The following DPYD variants were observed in gnomAD, a reference collection of about 807,000 sequenced individuals.
The protein encoded by DPYD is dihydropyrimidine dehydrogenase.
Under a neutral mutation model 116.2 loss-of-function variants are expected in DPYD, and 109 were observed. The observed-to-expected ratio is 0.94, with a 90% CI of 0.80 to 1.10. The LOEUF (loss-of-function observed/expected upper bound fraction) is 1.10, where lower values mean the gene tolerates loss of function less well. DPYD is among the 50% of genes least tolerant of loss of function. The pLI, the probability that DPYD is intolerant of heterozygous loss-of-function variation, is 0.00. For missense variants in DPYD, 1,302 were observed against 1,254.5 expected, an observed-to-expected ratio of 1.04 and a Z score of -0.57; for synonymous variants, 440 against 432.0, an observed-to-expected ratio of 1.02 and a Z score of -0.23.
chr1:97,393,988 C>T (rs1407835411), intron 14 of DPYD, among the ~76,000 whole-genome samples: 3 of 152,146 alleles, frequency 2.0e-5, no homozygotes, highest in Non-Finnish European at 4.4e-5. Context: ...GCCATTCTAA[C>T]TGGTGTGAGA....
At chr1:97,823,997 A>G (rs1669104103) in intron 3 of DPYD, among the ~76,000 whole-genome samples, 1 of 151,930 alleles carries the variant, frequency 6.6e-6, no homozygotes, top group African/African-American at 2.4e-5. Context: ...TCATCATATA[A>G]TAACTTCATC....
chr1:97,302,346 A>G (rs542711681), intron 18 of DPYD, among the ~76,000 whole-genome samples: 1 of 152,098 alleles, frequency 6.6e-6, no homozygotes, highest in South Asian at 2.1e-4. Flanking sequence ...TCACTATGAA[A>G]TCATCTGGTA....
At chr1:97,907,706 C>T (rs563121576) in intron 1 of DPYD, among the ~76,000 whole-genome samples, 1 of 152,172 alleles carries the variant, frequency 6.6e-6, no homozygotes, top group African/African-American at 2.4e-5. Context: ...CCCTCCCTTC[C>T]TTACGTTCTT....
intron 12 of DPYD, among the ~76,000 whole-genome samples, chr1:97,534,017 G>A (rs1015633789): frequency 6.6e-6 from 1 of 152,078 alleles, no homozygotes; most frequent in African/African-American, 2.4e-5. Context: ...TGAGCCATGT[G>A]AACTTATAAA....
At chr1:97,897,103 A>C (rs1475030086) in intron 1 of DPYD, among the ~76,000 whole-genome samples, 2 of 151,874 alleles carry the variant, frequency 1.3e-5, no homozygotes, top group African/African-American at 4.8e-5. Context: ...TGCTGCTTAT[A>C]AATGTTTGCA....
At chr1:97,367,067 T>C (rs1180620314) in intron 16 of DPYD, among the ~76,000 whole-genome samples, 4 of 152,114 alleles carry the variant, frequency 2.6e-5, no homozygotes, top group Admixed American at 2.0e-4. Context: ...GCATATGAGA[T>C]AGAGGGTCTG....
At chr1:97,641,127 T>A (rs1425519589) in intron 8 of DPYD, among the ~76,000 whole-genome samples, 2 of 152,118 alleles carry the variant, frequency 1.3e-5, no homozygotes, top group Admixed American at 6.6e-5. Context: ...CAGGCTTGCA[T>A]GGGGGAACAT....
At chr1:97,480,708 C>T (rs1039138805) in intron 13 of DPYD, among the ~76,000 whole-genome samples, 8 of 152,146 alleles carry the variant, frequency 5.3e-5, no homozygotes, top group Admixed American at 2.0e-4. Context: ...AGGCTGGGCA[C>T]GGTGGCTCAC....
intron 2 of DPYD, among the ~76,000 whole-genome samples, chr1:97,845,008 A>C (rs1217694649): frequency 6.6e-6 from 1 of 152,206 alleles, no homozygotes; most frequent in African/African-American, 2.4e-5. Context: ...GACTTTGGGT[A>C]CCGATGAACA....
At chr1:97,567,752 A>C (rs1312441930) in intron 11 of DPYD, among the ~76,000 whole-genome samples, 2 of 152,172 alleles carry the variant, frequency 1.3e-5, no homozygotes, top group African/African-American at 4.8e-5. Flanking sequence ...CAAATGAATG[A>C]TCCTTACACT....
chr1:97,487,400 G>A (rs778933642), intron 13 of DPYD, among the ~76,000 whole-genome samples: 12 of 152,124 alleles, frequency 7.9e-5, no homozygotes, highest in Non-Finnish European at 1.5e-4. Flanking sequence ...GAGGCCAGGC[G>A]CGGTGGCTCA....
At chr1:97,578,911 A>G (rs1006121327) in intron 10 of DPYD, among the ~76,000 whole-genome samples, 5 of 152,218 alleles carry the variant, frequency 3.3e-5, no homozygotes, top group Non-Finnish European at 1.5e-5. Flanking sequence ...AAAAAAAAGT[A>G]CTACTTCACA....
At chr1:97,829,702 T>A (rs1401968221) in intron 2 of DPYD, among the ~76,000 whole-genome samples, 1 of 152,152 alleles carries the variant, frequency 6.6e-6, no homozygotes, top group Non-Finnish European at 1.5e-5. Context: ...GCCCTGAAAT[T>A]CCTCATCAGC....
At chr1:97,787,777 T>C (rs1220441462) in intron 3 of DPYD, among the ~76,000 whole-genome samples, 1 of 152,230 alleles carries the variant, frequency 6.6e-6, no homozygotes, top group Non-Finnish European at 1.5e-5. Flanking sequence ...GAGGTGAAGA[T>C]ATTTACATGT....
chr1:97,576,524 A>C (rs141770955), intron 10 of DPYD, among the ~76,000 whole-genome samples: 119 of 152,332 alleles, frequency 7.8e-4, no homozygotes, highest in African/African-American at 2.7e-3. Flanking sequence ...ATTTGGAAAC[A>C]AAAAATTGGA....
intron 20 of DPYD, among the ~76,000 whole-genome samples, chr1:97,165,413 T>A (rs957690181): frequency 6.6e-6 from 1 of 152,076 alleles, no homozygotes; most frequent in African/African-American, 2.4e-5. Flanking sequence ...CCTTACCATA[T>A]ACAAAAATCA....
At chr1:97,460,147 G>A (rs1676935509) in intron 13 of DPYD, among the ~76,000 whole-genome samples, 1 of 152,018 alleles carries the variant, frequency 6.6e-6, no homozygotes. Flanking sequence ...AACTTATTAA[G>A]CAGAAAAAAA....
chr1:97,285,183 TAGAC>T (rs1277886251), intron 18 of DPYD, among the ~76,000 whole-genome samples: 1 of 152,150 alleles, frequency 6.6e-6, no homozygotes, highest in Admixed American at 6.5e-5. Flanking sequence ...TCACAGTAAA[TAGAC>T]AGGAAACTTG....
chr1:97,305,329 T>C lies in DPYD; in HGVS notation c.2229A>G (p.Gly743=), dbSNP rs757475393. 3.7e-6 allele frequency: 6 copies of C among 1,612,442 alleles called. No homozygotes were observed. In the Admixed American group the frequency reaches 6.7e-5, roughly 18 times the overall value. ...GCCAAGGTGTGCCATCAGATTTTAATCCCATCAGACCTGAGACAGTGTTGG... is the reference window on the plus strand; with the variant it reads ...GCCAAGGTGTGCCATCAGATTTTAACCCCATCAGACCTGAGACAGTGTTGG... ...TATNTVSGLM[G]LKSDGTPWPA... The change falls in exon 18 of 23, where the codon GGA becomes GGG. Residue 743 remains glycine (G), a synonymous_variant. Coordinates refer to ENST00000370192, the MANE Select transcript of DPYD (RefSeq NM_000110.4).
Sources: allele counts gnomAD v4.1 joint callset (sites outside exome capture counted in the v4.1 genomes callset), GRCh38; gene constraint gnomAD v4.1.1; transcripts MANE v1.5; gene names NCBI Gene and HGNC (gene_info 2026-07-23, HGNC 2026-07-21).